Variants in REDIC1 observed in about 807,000 individuals in gnomAD.
REDIC1 encodes the protein regulator of DNA class I crossover intermediates 1, also known as HEI10 Interacting Protein 1.
chr12:39,896,657 C>A, the REDIC1 span, among the ~76,000 whole-genome samples: 5 of 151,540 alleles, frequency 3.3e-5, no homozygotes, highest in African/African-American at 9.7e-5. Context: ...AACAACACTG[C>A]TCAATGAAGT....
chr12:39,712,364 A>G, the REDIC1 span, among the ~76,000 whole-genome samples: 3 of 137,522 alleles, frequency 2.2e-5, no homozygotes, highest in Non-Finnish European at 3.2e-5. Flanking sequence ...ATACATACAT[A>G]CATATGTATA....
chr12:39,706,794 G>C, the REDIC1 span, among the ~76,000 whole-genome samples: 3 of 151,852 alleles, frequency 2.0e-5, no homozygotes. Flanking sequence ...GCGAAAACTG[G>C]TATCTGTATG....
At chr12:39,663,507 A>G in the REDIC1 span, among the ~76,000 whole-genome samples, 1 of 151,992 alleles carries the variant, frequency 6.6e-6, no homozygotes, top group Non-Finnish European at 1.5e-5. Flanking sequence ...GGTAGCATAT[A>G]GTTGTGTTAT....
At chr12:39,823,315 C>T in the REDIC1 span, among the ~76,000 whole-genome samples, 378 of 152,226 alleles carry the variant, frequency 2.5e-3, 3 homozygotes, top group African/African-American at 8.7e-3. Flanking sequence ...GTTTTTCTAT[C>T]CCTTATGTGA....
At chr12:39,647,812 T>A in the REDIC1 span, 11 of 1,593,782 alleles carry the variant, frequency 6.9e-6, no homozygotes, top group Non-Finnish European at 8.5e-6. Flanking sequence ...TGGACTCATA[T>A]AGTATGCTTC....
At chr12:39,711,711 GCA>G in the REDIC1 span, among the ~76,000 whole-genome samples, 2,401 of 15,342 alleles carry the variant, frequency 0.16, 158 homozygotes, top group African/African-American at 0.21. Flanking sequence ...GTATACACAT[GCA>G]TGTGTATGCA....
At chr12:39,680,786 ACT>A in the REDIC1 span, among the ~76,000 whole-genome samples, 9 of 149,698 alleles carry the variant, frequency 6.0e-5, no homozygotes, top group Admixed American at 2.0e-4. Flanking sequence ...ACACACACAC[ACT>A]CTCTCACACA....
chr12:39,656,116 T>G, the REDIC1 span, among the ~76,000 whole-genome samples: 1 of 152,232 alleles, frequency 6.6e-6, no homozygotes, highest in East Asian at 1.9e-4. Flanking sequence ...CTTGTGTCAG[T>G]CTTCATGAGG....
the REDIC1 span, among the ~76,000 whole-genome samples, chr12:39,730,018 T>G: frequency 6.6e-6 from 1 of 152,194 alleles, no homozygotes; most frequent in South Asian, 2.1e-4. Context: ...TTGGTAAATA[T>G]TCCTCCATCC....
At chr12:39,662,952 A>T in the REDIC1 span, among the ~76,000 whole-genome samples, 1 of 152,100 alleles carries the variant, frequency 6.6e-6, no homozygotes, top group Non-Finnish European at 1.5e-5. Flanking sequence ...ATGTTGAACC[A>T]TTCTTATATC....
the REDIC1 span, among the ~76,000 whole-genome samples, chr12:39,801,308 T>A: frequency 2.2e-5 from 3 of 135,574 alleles, no homozygotes; most frequent in East Asian, 2.1e-4. Context: ...TTTCACTTGA[T>A]AAATATTTTT....
the REDIC1 span, among the ~76,000 whole-genome samples, chr12:39,778,492 G>A: frequency 6.6e-6 from 1 of 152,054 alleles, no homozygotes; most frequent in Admixed American, 6.5e-5. Context: ...TCATGTGAGG[G>A]CCACTCATAA....
the REDIC1 span, among the ~76,000 whole-genome samples, chr12:39,805,970 C>G: frequency 2.0e-5 from 3 of 152,172 alleles, no homozygotes; most frequent in Non-Finnish European, 4.4e-5. Context: ...TCATTAAACA[C>G]TTTCCTTAGC....
chr12:39,803,390 C>T, the REDIC1 span, among the ~76,000 whole-genome samples: 1 of 151,994 alleles, frequency 6.6e-6, no homozygotes, highest in South Asian at 2.1e-4. Flanking sequence ...AACAGCAGAG[C>T]CACAGGCACA....
At chr12:39,815,458 G>A in the REDIC1 span, among the ~76,000 whole-genome samples, 2 of 152,146 alleles carry the variant, frequency 1.3e-5, no homozygotes, top group Non-Finnish European at 2.9e-5. Context: ...TCGTAGGCTG[G>A]AGCATTCTTT....
At chr12:39,878,560 C>T in the REDIC1 span, among the ~76,000 whole-genome samples, 1 of 152,138 alleles carries the variant, frequency 6.6e-6, no homozygotes, top group Admixed American at 6.5e-5. Context: ...TTGATTACTA[C>T]AGTATCTAGT....
At chr12:39,704,724 A>T in the REDIC1 span, among the ~76,000 whole-genome samples, 6 of 152,248 alleles carry the variant, frequency 3.9e-5, no homozygotes, top group Non-Finnish European at 7.3e-5. Flanking sequence ...CATATAGAGC[A>T]TGGAATACTA....
the REDIC1 span, among the ~76,000 whole-genome samples, chr12:39,866,921 A>G: frequency 6.6e-6 from 1 of 152,228 alleles, no homozygotes; most frequent in African/African-American, 2.4e-5. Context: ...TCAGAAGTCT[A>G]TTTTGCAAAA....
the REDIC1 span, among the ~76,000 whole-genome samples, chr12:39,898,096 A>G: frequency 6.6e-6 from 1 of 152,252 alleles, no homozygotes; most frequent in South Asian, 2.1e-4. Context: ...TTGGGAATAT[A>G]ATTTTTGTTC....
Sources: gnomAD v4.1 joint callset for allele counts (sites outside exome capture counted in the v4.1 genomes callset) on GRCh38, gnomAD v4.1.1 for gene constraint, MANE v1.5 for transcripts, NCBI Gene and HGNC (gene_info 2026-07-23, HGNC 2026-07-21) for gene names.